NCKIPSD: variants seen among roughly 807,000 people sequenced by gnomAD.
The protein encoded by NCKIPSD is NCK interacting protein with SH3 domain, also known as NCK-interacting protein with SH3 domain.
NCKIPSD carries 48 observed loss-of-function variants against 73.4 expected under a neutral mutation model. The observed-to-expected ratio is 0.65, with a 90% CI of 0.52 to 0.83. NCKIPSD has a LOEUF of 0.83. Ranked by LOEUF, NCKIPSD falls within the 40% of genes least tolerant of loss-of-function variation. The pLI is 0.00. For synonymous variants in NCKIPSD, 422 were observed against 403.6 expected, an observed-to-expected ratio of 1.05 and a Z score of -0.54; for missense variants, 884 against 970.2, an observed-to-expected ratio of 0.91 and a Z score of 1.18.
chr3:48,681,901 C>G, intron 4 of NCKIPSD, 121 bp from the exon 5 acceptor site: 1 of 1,460,052 alleles, frequency 6.8e-7, no homozygotes, highest in South Asian at 1.4e-5. Context: ...TGCCTCCTCA[C>G]AAAGCCCAGA....
At chr3:48,674,954 C>G (rs753216323) in intron 12 of NCKIPSD, among the ~76,000 whole-genome samples, 3 of 152,130 alleles carry the variant, frequency 2.0e-5, no homozygotes, top group Non-Finnish European at 2.9e-5. Flanking sequence ...CAGCCACAGA[C>G]AGCCCCAAGT....
At chr3:48,676,786 C>T (rs2077262121) in intron 12 of NCKIPSD, among the ~76,000 whole-genome samples, 1 of 151,804 alleles carries the variant, frequency 6.6e-6, no homozygotes, top group Non-Finnish European at 1.5e-5. Flanking sequence ...AGCCACTGCA[C>T]CTGGCCAACA....
chr3:48,679,871 T>C lies in NCKIPSD; in HGVS notation c.1280A>G (p.Glu427Gly). Residue 427 changes from glutamate (E) to glycine (G), a missense_variant, in exon 7 of 13, where the codon GAA becomes GGA. Physicochemically the swap from Glu to Gly is moderately conservative, Grantham distance 98. Coordinates refer to ENST00000294129, the MANE Select transcript of NCKIPSD (RefSeq NM_016453.4). ...TCTCTTGCACATTTTCTTGCAAACT[T>C]CAGGGTCTGCATCAGTCTACAGAAA... ...LLHILTDADPEVCKKMCKRNE... is the reference protein window; with the variant it reads ...LLHILTDADPGVCKKMCKRNE... 1 of 1,614,208 alleles carries C rather than the reference T, an allele frequency of 6.2e-7. No homozygotes were observed. The highest frequency in any genetic ancestry group is 8.5e-7 in the Non-Finnish European group (1 of 1,180,046).
chr3:48,678,506 A>C (rs1575562614), intron 12 of NCKIPSD, 58 bp downstream of exon 12: 2 of 1,513,476 alleles, frequency 1.3e-6, no homozygotes, highest in Non-Finnish European at 1.8e-6. Context: ...CATGCCCCCC[A>C]CCATTTTGTT....
intron 6 of NCKIPSD, 37 bp downstream of exon 6, chr3:48,680,022 C>A: frequency 6.2e-7 from 1 of 1,602,848 alleles, no homozygotes; most frequent in Non-Finnish European, 8.5e-7. Context: ...GGCCACTGTT[C>A]CCCATGTGGG....
intron 3 of NCKIPSD, 93 bp from the exon 4 acceptor site, chr3:48,682,249 G>C (rs2077367051): frequency 4.5e-6 from 7 of 1,570,956 alleles, no homozygotes; most frequent in Non-Finnish European, 6.1e-6. Context: ...GCAGGACTAT[G>C]GCTCTGGGCC....
chr3:48,682,612 T>C (rs2077373963), intron 2 of NCKIPSD, 60 bp from the exon 3 acceptor site: 9 of 1,578,350 alleles, frequency 5.7e-6, no homozygotes, highest in Middle Eastern at 1.7e-4. Context: ...AGTCCTCATA[T>C]GCCCCTGTGG....
rs1385249631 is a variant in NCKIPSD at position 48,679,182 on chromosome 3, C to T, written c.1572G>A (p.Glu524=). 2 of 1,613,882 alleles carry T rather than the reference C, an allele frequency of 1.2e-6. No homozygotes were observed. Among genetic ancestry groups the T allele is most frequent in the Middle Eastern group, 1.7e-4 (1 of 6,056 alleles). ...MGEAVPYAHY[E]HLGTPFAQFL... ...ACTGGGCGAAAGGCGTGCCCAGGTG[C>T]TCTGGGAGAGGGGCGCACAGAAGTC... The change falls in exon 10 of 13, where the codon GAG becomes GAA. Residue 524 remains glutamate (E), a splice_region_variant and synonymous_variant. Transcript: ENST00000294129.
Position 48,681,403 on chromosome 3 carries a change from G to A in NCKIPSD, c.976C>T (p.Leu326=). ...GCCACCCGGCATAATTCGTGGCTCAGGCCAGTGTTTCTCCGCACCAGCTCC... is the reference window on the plus strand; with the variant it reads ...GCCACCCGGCATAATTCGTGGCTCAAGCCAGTGTTTCTCCGCACCAGCTCC... ...LMELVRRNTG[L]SHELCRVAIG... is the part of the protein sequence containing the mutation. Residue 326 remains leucine (L), a synonymous_variant, in exon 5 of 13, where the codon CTG becomes TTG. Transcript: ENST00000294129. 1.2e-6 allele frequency: 2 copies of A among 1,613,446 alleles called. No individual in the cohort carries two copies. The highest frequency in any genetic ancestry group is 1.7e-6 in the Non-Finnish European group (2 of 1,179,648).
intron 5 of NCKIPSD, 41 bp downstream of exon 5, chr3:48,681,246 G>A: frequency 6.5e-7 from 1 of 1,533,144 alleles, no homozygotes; most frequent in Non-Finnish European, 8.7e-7. Context: ...GTGGGAACAG[G>A]GTGGGTAGCA....
chr3:48,682,629 G>A, intron 2 of NCKIPSD, 77 bp from the exon 3 acceptor site: 1 of 1,518,304 alleles, frequency 6.6e-7, no homozygotes, highest in South Asian at 1.2e-5. Context: ...GTGGGATGCT[G>A]GGACCCCATA....
rs2077215466 is a variant in NCKIPSD at position 48,674,140 on chromosome 3, G to A, written c.*404C>T. On this transcript the variant is annotated 3_prime_UTR_variant, in exon 13 of 13. Coordinates refer to ENST00000294129, the MANE Select transcript of NCKIPSD (RefSeq NM_016453.4). ...CAAAGCTAAGGCAAAGAATAGAGCT[G>A]GTGGGAGATGCCTCCCCTCACCCCA... is the stretch of plus-strand genomic sequence containing the variant. The A allele has an allele frequency of 8.7e-7, 1 of 1,144,856 alleles. No individual in the cohort carries two copies. The highest frequency in any genetic ancestry group is 1.1e-6 in the Non-Finnish European group (1 of 926,222). 70.9% of individuals were successfully genotyped at this position (1,144,856 alleles called of 1,614,324 possible).
chr3:48,677,043 C>T (rs1257554722), intron 12 of NCKIPSD, among the ~76,000 whole-genome samples: 1 of 150,766 alleles, frequency 6.6e-6, no homozygotes, highest in Non-Finnish European at 1.5e-5. Flanking sequence ...TCCCAAAGTG[C>T]TGGGATTACA....
Position 48,681,772 on chromosome 3 carries a change from T to C in NCKIPSD, c.607A>G (p.Asn203Asp), listed in dbSNP as rs762870716. 1.1e-5 allele frequency: 17 copies of C among 1,498,184 alleles called. 1 individual carries two copies. Among genetic ancestry groups the C allele is most frequent in the Middle Eastern group, 2.4e-4 (1 of 4,126 alleles). The allele number at this position is 1,498,184 out of a possible 1,614,324, so 92.8% of individuals were successfully genotyped here. A position where few individuals can be genotyped will look rare whatever the true frequency, so the allele number is the denominator to read the frequency against. ...GAGTTACCCCCGGAGGGCATGGTGT[T>C]GTGGCCACCTGCGAGCAGTGAGTAG... ...ALMASGSGGH[N>D]TMPSGGNSVS... Residue 203 changes from asparagine (N) to aspartate (D), a missense_variant, in exon 5 of 13, where the codon AAC becomes GAC. Physicochemically the swap from Asn to Asp is conservative, Grantham distance 23. Transcript: ENST00000294129.
Position 48,684,177 on chromosome 3 carries a change from G to A in NCKIPSD, c.172-1165C>T, listed in dbSNP as rs542161161. On this transcript the variant is annotated intron_variant, in intron 1 of 12. Coordinates refer to ENST00000294129, the MANE Select transcript of NCKIPSD (RefSeq NM_016453.4). ...AAACACACACATGTGGAGTCGGAACGACACAGGCAGAGAGGCACAGAGTCG... is the reference window on the plus strand; with the variant it reads ...AAACACACACATGTGGAGTCGGAACAACACAGGCAGAGAGGCACAGAGTCG... Among the ~76,000 whole-genome samples, 7 of 152,246 alleles carry A rather than the reference G, an allele frequency of 4.6e-5. No homozygotes were observed. The South Asian group carries it at 6.2e-4, about 14-fold the overall frequency.
At chr3:48,683,319 C>A (rs1398448086) in intron 1 of NCKIPSD, among the ~76,000 whole-genome samples, 4 of 152,182 alleles carry the variant, frequency 2.6e-5, no homozygotes, top group Admixed American at 6.5e-5. Context: ...AAAAACATAG[C>A]CCAGGGGCTC....
intron 5 of NCKIPSD, among the ~76,000 whole-genome samples, chr3:48,680,879 T>C (rs765914963): frequency 5.3e-5 from 8 of 152,116 alleles, no homozygotes; most frequent in African/African-American, 1.2e-4. Context: ...ACTGCCAAGG[T>C]CAGCAAGGCA....
rs745639122 is a variant in NCKIPSD at position 48,679,556 on chromosome 3, C to T, written c.1489+19G>A. 3.1e-6 allele frequency: 5 copies of T among 1,612,988 alleles called. No individual in the cohort carries two copies. The highest frequency in any genetic ancestry group is 2.2e-5 in the South Asian group (2 of 91,034). ...CCAGATAGCAGGAAGTTCCCTCCTA[C>T]CCCGCCCTCCAGCCTCACCCTGCGT... On this transcript the variant is annotated intron_variant, in intron 8 of 12. Transcript: ENST00000294129.
At chr3:48,684,128 G>C (rs773399204) in intron 1 of NCKIPSD, among the ~76,000 whole-genome samples, 59 of 152,272 alleles carry the variant, frequency 3.9e-4, no homozygotes, top group Non-Finnish European at 4.6e-4. Flanking sequence ...GCCAGAGTGT[G>C]GGGGGAGCCG....
Sources: allele counts gnomAD v4.1 joint callset (sites outside exome capture counted in the v4.1 genomes callset), GRCh38; gene constraint gnomAD v4.1.1; transcripts MANE v1.5; gene names NCBI Gene and HGNC (gene_info 2026-07-23, HGNC 2026-07-21).